FLT1: variants seen among roughly 807,000 people sequenced by gnomAD.
The protein encoded by FLT1 is vascular endothelial growth factor receptor 1.
In FLT1, 49 loss-of-function variants were observed where a neutral mutation model predicts 156.3. That is an observed-to-expected ratio of 0.31 (90% confidence interval 0.25 to 0.40). The LOEUF (loss-of-function observed/expected upper bound fraction) is 0.40, where lower values mean the gene tolerates loss of function less well. FLT1 is among the 10% of genes least tolerant of loss of function. The pLI, the probability that FLT1 is intolerant of heterozygous loss-of-function variation, is 1.00. For missense variants in FLT1, 1,322 were observed against 1,637.2 expected, an observed-to-expected ratio of 0.81 and a Z score of 3.32; for synonymous variants, 594 against 583.8, an observed-to-expected ratio of 1.02 and a Z score of -0.25.
At chr13:28,461,287 C>T (rs945711237) in intron 3 of FLT1, among the ~76,000 whole-genome samples, 5 of 152,164 alleles carry the variant, frequency 3.3e-5, no homozygotes, top group African/African-American at 7.2e-5. Context: ...ATTTTAATAA[C>T]TGTATAATCT....
chr13:28,407,530 A>G (rs1875885582), intron 10 of FLT1, among the ~76,000 whole-genome samples: 1 of 152,222 alleles, frequency 6.6e-6, no homozygotes, highest in Non-Finnish European at 1.5e-5. Context: ...TTTTTCCAAT[A>G]TAACCACAAC....
chr13:28,469,973 T>G (rs1880063164), intron 1 of FLT1, among the ~76,000 whole-genome samples: 1 of 152,114 alleles, frequency 6.6e-6, no homozygotes, highest in African/African-American at 2.4e-5. Context: ...AGGCTGGTCT[T>G]GAACTCCTGA....
chr13:28,401,282 C>G, intron 11 of FLT1, among the ~76,000 whole-genome samples: 1 of 152,086 alleles, frequency 6.6e-6, no homozygotes. Flanking sequence ...ATTTTTACTG[C>G]TTTTGCTTTT....
At chr13:28,411,813 T>C (rs376564015) in intron 10 of FLT1, among the ~76,000 whole-genome samples, 1 of 152,142 alleles carries the variant, frequency 6.6e-6, no homozygotes, top group Non-Finnish European at 1.5e-5. Context: ...TTTATATAAA[T>C]GTATAATGAA....
chr13:28,458,127 G>A (rs1450289864), intron 3 of FLT1, among the ~76,000 whole-genome samples: 1 of 151,710 alleles, frequency 6.6e-6, no homozygotes, highest in Non-Finnish European at 1.5e-5. Flanking sequence ...AGTAGAGACG[G>A]GGTTTCACCA....
chr13:28,399,217 A>C, intron 11 of FLT1: 1 of 707,060 alleles, frequency 1.4e-6, no homozygotes, highest in Non-Finnish European at 2.3e-6. Context: ...ATTCAGAAAC[A>C]AGGAGCTCAG....
At chr13:28,361,342 C>T (rs1410414227) in intron 14 of FLT1, among the ~76,000 whole-genome samples, 1 of 151,944 alleles carries the variant, frequency 6.6e-6, no homozygotes, top group Non-Finnish European at 1.5e-5. Context: ...ATCTCACCTC[C>T]CAGATGTTGT....
intron 24 of FLT1, among the ~76,000 whole-genome samples, chr13:28,319,023 C>A (rs1254855785): frequency 6.6e-6 from 1 of 152,086 alleles, no homozygotes; most frequent in Non-Finnish European, 1.5e-5. Flanking sequence ...CTTGTTATGG[C>A]CTTTCCTAGG....
intron 10 of FLT1, among the ~76,000 whole-genome samples, chr13:28,409,357 T>C (rs1286980648): frequency 4.6e-5 from 7 of 151,740 alleles, no homozygotes; most frequent in African/African-American, 9.7e-5. Flanking sequence ...TTCTTTCTTT[T>C]TTTTTTTTTT....
At chr13:28,310,362 C>T (rs1870949303) in intron 27 of FLT1, among the ~76,000 whole-genome samples, 1 of 152,124 alleles carries the variant, frequency 6.6e-6, no homozygotes, top group South Asian at 2.1e-4. Context: ...GAGGGAGGGT[C>T]AGAACTCCTG....
intron 10 of FLT1, among the ~76,000 whole-genome samples, chr13:28,416,452 C>T (rs980457225): frequency 6.6e-6 from 1 of 152,184 alleles, no homozygotes; most frequent in African/African-American, 2.4e-5. Context: ...CTTTCAATTG[C>T]CTGGTTGATG....
At chr13:28,409,744 GTAC>G (rs778819300) in intron 10 of FLT1, among the ~76,000 whole-genome samples, 12 of 152,082 alleles carry the variant, frequency 7.9e-5, no homozygotes, top group Admixed American at 4.6e-4. Flanking sequence ...TGATATCCAT[GTAC>G]TACCATCATG....
At chr13:28,492,580 A>C (rs1054631450) in intron 1 of FLT1, among the ~76,000 whole-genome samples, 5 of 152,222 alleles carry the variant, frequency 3.3e-5, no homozygotes, top group Admixed American at 2.6e-4. Flanking sequence ...AGGCATGCAC[A>C]CACACAGAAT....
Position 28,427,208 on chromosome 13 carries a change from T to C in FLT1, c.1387A>G (p.Thr463Ala). ...CAGGGGTGCCAGAACCACTTGATTGTAGGTTGAGGGATACCATATGCGGTA... is the reference window on the plus strand; with the variant it reads ...CAGGGGTGCCAGAACCACTTGATTGCAGGTTGAGGGATACCATATGCGGTA... ...TCTAYGIPQP[T>A]IKWFWHPCNH... Residue 463 changes from threonine to alanine, a missense_variant, in exon 10 of 30, where the codon ACA (threonine) becomes GCA (alanine). Physicochemically the swap from Thr to Ala is moderately conservative, Grantham distance 58. Coordinates refer to ENST00000282397, the MANE Select transcript of FLT1 (RefSeq NM_002019.4). The C allele has an allele frequency of 1.9e-6, 3 of 1,614,056 alleles. No individual in the cohort carries two copies. Among genetic ancestry groups the C allele is most frequent in the Non-Finnish European group, 1.7e-6 (2 of 1,179,922 alleles).
chr13:28,408,754 C>T (rs1875964861), intron 10 of FLT1, among the ~76,000 whole-genome samples: 1 of 152,182 alleles, frequency 6.6e-6, no homozygotes, highest in Admixed American at 6.5e-5. Context: ...CTGGACAAGG[C>T]CACTGTTATC....
intron 3 of FLT1, among the ~76,000 whole-genome samples, chr13:28,461,982 A>C (rs535708582): frequency 6.6e-6 from 1 of 152,354 alleles, no homozygotes; most frequent in African/African-American, 2.4e-5. Flanking sequence ...AGAAGAGAAG[A>C]GATGAGTTTC....
chr13:28,356,233 G>A (rs1872894845), intron 15 of FLT1, among the ~76,000 whole-genome samples: 1 of 152,180 alleles, frequency 6.6e-6, no homozygotes, highest in Non-Finnish European at 1.5e-5. Flanking sequence ...GGGAGGATAT[G>A]GGGGAAATGA....
chr13:28,355,938 A>T (rs1018205727), intron 15 of FLT1, among the ~76,000 whole-genome samples: 1 of 152,222 alleles, frequency 6.6e-6, no homozygotes, highest in African/African-American at 2.4e-5. Flanking sequence ...ACCTGGCAGA[A>T]AAAGGAAGGA....
intron 14 of FLT1, chr13:28,368,611 T>G: frequency 7.0e-7 from 1 of 1,424,970 alleles, no homozygotes; most frequent in Non-Finnish European, 9.7e-7. Flanking sequence ...ATGATGATGA[T>G]GATGACAATG....
Sources: gnomAD v4.1 joint callset for allele counts (sites outside exome capture counted in the v4.1 genomes callset) on GRCh38, gnomAD v4.1.1 for gene constraint, MANE v1.5 for transcripts, NCBI Gene and HGNC (gene_info 2026-07-23, HGNC 2026-07-21) for gene names.